Variants in NCOA7 observed in about 807,000 individuals in gnomAD.
NCOA7 encodes the protein 140 kDa estrogen receptor-associated protein.
A neutral mutation model predicts 104.3 loss-of-function variants in NCOA7; 45 were observed. The observed-to-expected ratio is 0.43, with a 90% CI of 0.34 to 0.55. The LOEUF is 0.55. Among genes scored for constraint, NCOA7 ranks in the 20% least tolerant of loss-of-function variants. NCOA7 has a pLI of 0.02. For synonymous variants in NCOA7, 398 were observed against 402.3 expected (o/e 0.99, Z 0.13); for missense variants, 1,041 against 1,119.7 (o/e 0.93, Z 1.00).
At chr6:125,825,174 C>CAAAAAAA (rs60707053) in intron 2 of NCOA7, among the ~76,000 whole-genome samples, 1 of 54,100 alleles carries the variant, frequency 1.8e-5, no homozygotes, top group Admixed American at 1.7e-4. Context: ...CCTGTCTCTA[C>CAAAAAAA]AAAAAAAAAA....
At chr6:125,818,961 T>C (rs1441929626) in intron 2 of NCOA7, 1 of 152,206 alleles carries the variant, frequency 6.6e-6, no homozygotes, top group Non-Finnish European at 1.5e-5. Flanking sequence ...AACTAAATTA[T>C]ACCACCTTAC....
chr6:125,818,281 C>T (rs186686302), intron 2 of NCOA7, among the ~76,000 whole-genome samples: 1 of 152,292 alleles, frequency 6.6e-6, no homozygotes, highest in Admixed American at 6.5e-5. Flanking sequence ...AATGTAGAGT[C>T]AGGGGAGCCC....
At chr6:125,898,006 C>G (rs1171547494) in intron 10 of NCOA7, among the ~76,000 whole-genome samples, 1 of 152,198 alleles carries the variant, frequency 6.6e-6, no homozygotes, top group Non-Finnish European at 1.5e-5. Context: ...GTAGTAGCAT[C>G]CATACATACT....
In NCOA7 at chr6:125,900,064, G is replaced by A. The variant is rs372098209; in HGVS notation, c.2096+9254G>A. The A allele has an allele frequency of 3.7e-4, 197 of 532,404 alleles. 1 individual carries two copies. Among genetic ancestry groups the A allele is most frequent in the African/African-American group, 3.4e-3 (177 of 52,064 alleles). 33.0% of individuals were successfully genotyped at this position (532,404 alleles called of 1,614,324 possible). Reference sequence around the variant, plus strand: ...GTAATGATTGCAAACCTAAATGCCTGCAGGGGCTGTGGAATGGGGGTAAAG... The same window carrying A: ...GTAATGATTGCAAACCTAAATGCCTACAGGGGCTGTGGAATGGGGGTAAAG... On this transcript the variant is annotated intron_variant, in intron 10 of 15. Transcript: ENST00000392477.
chr6:125,793,613 C>G (rs1382607181), intron 1 of NCOA7, among the ~76,000 whole-genome samples: 1 of 152,156 alleles, frequency 6.6e-6, no homozygotes, highest in African/African-American at 2.4e-5. Flanking sequence ...ACCTGGATTT[C>G]CTCTCTTTAT....
At position 125,889,934 on chromosome 6, in the gene NCOA7, C is replaced by T; in HGVS notation, c.1880C>T (p.Ser627Phe). The change falls in exon 9 of 16, where the codon TCT (serine) becomes TTT (phenylalanine). Residue 627 changes from serine (S) to phenylalanine (F), a missense_variant. This residue lies in a region of NCOA7 where 914 missense variants were observed against 942.7 expected (regional missense o/e 0.97). Transcript: ENST00000392477. The part of the protein sequence containing the change: ...SCQGAQMDNK[S>F]EVQLWLLKRI... ...CAAGGTGCACAAATGGATAATAAAT[C>T]TGAAGTTCAGTTGTGGCTGTTAAAG... 1.9e-6 allele frequency: 3 copies of T among 1,573,324 alleles called. No individual in the cohort carries two copies. Among genetic ancestry groups the T allele is most frequent in the South Asian group, 1.2e-5 (1 of 83,802 alleles).
At chr6:125,831,089 T>A (rs184813972) in intron 2 of NCOA7, among the ~76,000 whole-genome samples, 26 of 152,320 alleles carry the variant, frequency 1.7e-4, no homozygotes, top group Admixed American at 5.9e-4. Flanking sequence ...TATGGCATAT[T>A]AGTACTGTCA....
chr6:125,875,157 C>T (rs1783255358), intron 4 of NCOA7, 189 bp downstream of exon 4: 8 of 493,320 alleles, frequency 1.6e-5, no homozygotes, highest in East Asian at 1.6e-4. Context: ...TCAAATAAAC[C>T]AGTGAATTGA....
intron 6 of NCOA7, among the ~76,000 whole-genome samples, 196 bp downstream of exon 6, chr6:125,881,399 A>G (rs1469084251): frequency 6.6e-6 from 1 of 152,174 alleles, no homozygotes; most frequent in Non-Finnish European, 1.5e-5. Flanking sequence ...GGCCAGACAC[A>G]GTGGCTCAGC....
At chr6:125,845,279 A>G (rs1217893980) in intron 2 of NCOA7, among the ~76,000 whole-genome samples, 4 of 152,186 alleles carry the variant, frequency 2.6e-5, no homozygotes. Context: ...ATTTAAAAAA[A>G]AAGTGATGTG....
At chr6:125,891,880 A>G (rs907625509) in intron 10 of NCOA7, among the ~76,000 whole-genome samples, 1 of 152,202 alleles carries the variant, frequency 6.6e-6, no homozygotes, top group Non-Finnish European at 1.5e-5. Flanking sequence ...AATATACTCC[A>G]TCACCTGTGC....
chr6:125,910,117 A>T (rs1786389868), intron 10 of NCOA7, among the ~76,000 whole-genome samples: 1 of 152,080 alleles, frequency 6.6e-6, no homozygotes, highest in South Asian at 2.1e-4. Context: ...TTTTGTTGTG[A>T]TTCATCATGG....
chr6:125,806,778 A>G (rs1277829606), intron 1 of NCOA7, among the ~76,000 whole-genome samples: 1 of 152,166 alleles, frequency 6.6e-6, no homozygotes, highest in Non-Finnish European at 1.5e-5. Context: ...TAATGAACTT[A>G]TGTCTGAGAA....
intron 4 of NCOA7, 40 bp downstream of exon 4, chr6:125,875,008 A>G: frequency 7.0e-7 from 1 of 1,422,838 alleles, no homozygotes; most frequent in Non-Finnish European, 9.9e-7. Context: ...TGTTAATAGC[A>G]CTACATTTAT....
At chr6:125,823,304 A>G (rs772300689) in intron 2 of NCOA7, among the ~76,000 whole-genome samples, 94 of 152,336 alleles carry the variant, frequency 6.2e-4, no homozygotes, top group Non-Finnish European at 9.8e-4. Flanking sequence ...AATATTCAAA[A>G]CAGTTTCTTT....
At chr6:125,823,280 T>C (rs889577605) in intron 2 of NCOA7, among the ~76,000 whole-genome samples, 2 of 152,236 alleles carry the variant, frequency 1.3e-5, no homozygotes, top group African/African-American at 4.8e-5. Flanking sequence ...AAATACTTGT[T>C]GATCAACTGA....
chr6:125,892,011 C>A (rs572878527), intron 10 of NCOA7, among the ~76,000 whole-genome samples: 2 of 152,252 alleles, frequency 1.3e-5, no homozygotes, highest in East Asian at 3.9e-4. Flanking sequence ...TTCTGAAGCT[C>A]TGTTAAAATT....
intron 10 of NCOA7, chr6:125,913,691 T>C (rs185217050): frequency 1.0e-6 from 1 of 977,324 alleles, no homozygotes; most frequent in East Asian, 1.1e-4. Flanking sequence ...TATAAGAAAA[T>C]TGGTAAGTCT....
At chr6:125,835,426 TA>T (rs948586599) in intron 2 of NCOA7, among the ~76,000 whole-genome samples, 13 of 151,966 alleles carry the variant, frequency 8.6e-5, no homozygotes, top group Admixed American at 8.5e-4. Context: ...TTCACATAAG[TA>T]AAAAGTCCCA....
Sources: allele counts gnomAD v4.1 joint callset (sites outside exome capture counted in the v4.1 genomes callset), GRCh38; gene constraint gnomAD v4.1.1; regional missense constraint gnomAD v4.1.1; transcripts MANE v1.5; gene names NCBI Gene and HGNC (gene_info 2026-07-23, HGNC 2026-07-21).